The following WDR7 variants were observed in gnomAD, a reference collection of about 807,000 sequenced individuals.
The protein encoded by WDR7 is WD repeat domain 7.
Under a neutral mutation model 169.4 loss-of-function variants are expected in WDR7, and 46 were observed. The ratio of observed to expected loss-of-function variants is 0.27; its 90% CI spans 0.21 to 0.35. The LOEUF is 0.35. WDR7 is among the 10% of genes least tolerant of loss of function. The pLI is 1.00. For missense variants in WDR7, 1,534 were observed against 1,859.3 expected (o/e 0.83, Z 3.22); for synonymous variants, 612 against 666.8 (o/e 0.92, Z 1.27).
At chr18:56,854,598 T>G (rs1370862305) in intron 20 of WDR7, among the ~76,000 whole-genome samples, 1 of 152,202 alleles carries the variant, frequency 6.6e-6, no homozygotes, top group Admixed American at 6.5e-5. Flanking sequence ...TATGCTCTAA[T>G]GCTAATGGAC....
At chr18:56,926,221 C>T (rs903042201) in intron 22 of WDR7, among the ~76,000 whole-genome samples, 5 of 152,128 alleles carry the variant, frequency 3.3e-5, no homozygotes, top group African/African-American at 1.2e-4. Flanking sequence ...GCCTATAGTA[C>T]GAGGCAGCTG....
At chr18:56,977,773 A>G (rs1307453448) in intron 26 of WDR7, among the ~76,000 whole-genome samples, 1 of 152,224 alleles carries the variant, frequency 6.6e-6, no homozygotes, top group East Asian at 1.9e-4. Flanking sequence ...GAAAACATCT[A>G]CATAAGTAAA....
chr18:56,662,691 T>C (rs1175088587), intron 1 of WDR7, among the ~76,000 whole-genome samples: 2 of 152,036 alleles, frequency 1.3e-5, no homozygotes, highest in African/African-American at 4.8e-5. Context: ...GAGGAACAGG[T>C]GTAGTAAAAA....
intron 7 of WDR7, among the ~76,000 whole-genome samples, chr18:56,689,182 A>G (rs973197384): frequency 6.6e-6 from 1 of 152,220 alleles, no homozygotes; most frequent in Non-Finnish European, 1.5e-5. Flanking sequence ...TATTATCATG[A>G]AGAAGTTTTC....
chr18:56,663,160 C>T (rs2024940613), intron 1 of WDR7, among the ~76,000 whole-genome samples: 1 of 152,192 alleles, frequency 6.6e-6, no homozygotes, highest in Non-Finnish European at 1.5e-5. Flanking sequence ...GTGTCTTGCT[C>T]TTATGACCAC....
chr18:56,786,459 G>T (rs1407531304), intron 19 of WDR7, among the ~76,000 whole-genome samples: 8 of 151,728 alleles, frequency 5.3e-5, no homozygotes, highest in Non-Finnish European at 7.4e-5. Flanking sequence ...AACCCGGGAG[G>T]CAGAAGTTGC....
At chr18:56,736,239 C>T (rs1402938719) in intron 14 of WDR7, among the ~76,000 whole-genome samples, 3 of 152,018 alleles carry the variant, frequency 2.0e-5, no homozygotes, top group East Asian at 3.9e-4. Context: ...TTGATTATTC[C>T]AGTTCTAGCC....
chr18:56,701,064 A>G (rs2025823416), intron 12 of WDR7, among the ~76,000 whole-genome samples: 1 of 152,248 alleles, frequency 6.6e-6, no homozygotes, highest in Non-Finnish European at 1.5e-5. Flanking sequence ...CTGAAGGGTT[A>G]TTGAGAACAG....
chr18:56,964,530 C>T (rs1221775847), intron 26 of WDR7, among the ~76,000 whole-genome samples: 13 of 151,986 alleles, frequency 8.6e-5, no homozygotes, highest in East Asian at 1.9e-4. Flanking sequence ...GGATTACAGG[C>T]GCACACCACC....
At chr18:56,701,255 G>T (rs962194509) in intron 12 of WDR7, among the ~76,000 whole-genome samples, 4 of 152,210 alleles carry the variant, frequency 2.6e-5, no homozygotes, top group African/African-American at 9.6e-5. Flanking sequence ...TACTTGAAAA[G>T]ACCTGAGAGG....
Position 56,993,497 on chromosome 18 carries a change from C to T in WDR7, c.4165-27248C>T, listed in dbSNP as rs114087166. On this transcript the variant is annotated intron_variant, in intron 26 of 27. Transcript: ENST00000254442. ...TACTGTGATTTTAAATTTTTATTAT[C>T]GTAAAAAGTGTGACGTCGTGTCTAG... is the stretch of plus-strand genomic sequence containing the variant. Among the ~76,000 whole-genome samples, 1,064 of 152,096 alleles carry T rather than the reference C, an allele frequency of 7.0e-3. 18 individuals carry two copies. Among genetic ancestry groups the T allele is most frequent in the African/African-American group, 0.024 (987 of 41,478 alleles).
chr18:56,972,366 G>A (rs571448399), intron 26 of WDR7, among the ~76,000 whole-genome samples: 3 of 152,316 alleles, frequency 2.0e-5, no homozygotes, highest in African/African-American at 4.8e-5. Context: ...AGAATTTTGA[G>A]CTTCGGGCAC....
chr18:56,886,160 C>T (rs547117276), intron 21 of WDR7, among the ~76,000 whole-genome samples: 1 of 152,240 alleles, frequency 6.6e-6, no homozygotes, highest in Non-Finnish European at 1.5e-5. Context: ...AAGATCATGA[C>T]CTAGGCACAT....
the WDR7 span, chr18:57,035,691 T>C: frequency 1.3e-5 from 2 of 152,314 alleles, no homozygotes; most frequent in Admixed American, 6.5e-5. Context: ...TCAAGGAGGA[T>C]GACAAGGTCC....
At chr18:56,661,696 A>T (rs1479115641) in intron 1 of WDR7, among the ~76,000 whole-genome samples, 1 of 152,160 alleles carries the variant, frequency 6.6e-6, no homozygotes, top group Non-Finnish European at 1.5e-5. Context: ...AAGTGTTCAG[A>T]AGGTTGTGTC....
chr18:56,992,161 T>C (rs2047827792), intron 26 of WDR7, among the ~76,000 whole-genome samples: 1 of 152,244 alleles, frequency 6.6e-6, no homozygotes, highest in African/African-American at 2.4e-5. Context: ...TAATCACTCC[T>C]TCAGCCTAAG....
chr18:56,740,506 G>C (rs916727551), intron 14 of WDR7, among the ~76,000 whole-genome samples: 1 of 152,114 alleles, frequency 6.6e-6, no homozygotes, highest in African/African-American at 2.4e-5. Context: ...TTGTTCAAAT[G>C]ATATCCTCTT....
At chr18:56,917,755 T>C (rs964190388) in intron 21 of WDR7, among the ~76,000 whole-genome samples, 2 of 152,224 alleles carry the variant, frequency 1.3e-5, no homozygotes, top group Admixed American at 1.3e-4. Context: ...TATTTTGCGC[T>C]CTCTGCCTCA....
At chr18:57,018,642 AT>A (rs2048242778) in intron 26 of WDR7, among the ~76,000 whole-genome samples, 1 of 152,188 alleles carries the variant, frequency 6.6e-6, no homozygotes, top group African/African-American at 2.4e-5. Context: ...GGCTGAAAAA[AT>A]TTGTTTTTTG....
Sources: allele counts gnomAD v4.1 joint callset (sites outside exome capture counted in the v4.1 genomes callset), GRCh38; gene constraint gnomAD v4.1.1; transcripts MANE v1.5; gene names NCBI Gene and HGNC (gene_info 2026-07-23, HGNC 2026-07-21).